The following COPS7B variants were observed in gnomAD, a reference collection of about 807,000 sequenced individuals.
COPS7B encodes COP9 signalosome complex subunit 7b.
In COPS7B, 9 loss-of-function variants were observed where a neutral mutation model predicts 33.4. That is an observed-to-expected ratio of 0.27 (90% CI 0.16 to 0.47). The LOEUF is 0.47. COPS7B is among the 20% of genes least tolerant of loss of function. The pLI is 0.99. For missense variants in COPS7B, 242 were observed against 318.2 expected, an observed-to-expected ratio of 0.76 and a Z score of 1.82; for synonymous variants, 119 against 126.3, an observed-to-expected ratio of 0.94 and a Z score of 0.39.
At chr2:231,783,554 C>T (rs774085784), upstream of COPS7B, among the ~76,000 whole-genome samples, 13 of 152,162 alleles carry the variant, frequency 8.5e-5, no homozygotes, top group Non-Finnish European at 1.9e-4. Flanking sequence ...GCTAGTTGAA[C>T]GTCCTCTTTC....
chr2:231,805,963 A>G (rs962646210), intron 6 of COPS7B, among the ~76,000 whole-genome samples: 1 of 151,948 alleles, frequency 6.6e-6, no homozygotes, highest in Non-Finnish European at 1.5e-5. Flanking sequence ...CTCTGTAATG[A>G]CTGTTCCAGC....
chr2:231,804,077 A>T (rs575808551), intron 6 of COPS7B, among the ~76,000 whole-genome samples: 2 of 152,146 alleles, frequency 1.3e-5, no homozygotes, highest in African/African-American at 4.8e-5. Context: ...TCACTTTCTG[A>T]TAGGCTGATA....
rs1326622082 is a variant in COPS7B, at chr2:231,808,831, GTGTGTGTGTGTT to G, written c.*1190_*1201del. Reference sequence around the variant, plus strand: ...TGTGTGTGTGTGTGTGTGTGTGTGTGTGTGTGTGTGTTTGTAGGTCCTGGACTGATTAAAGTT... The same window carrying G: ...TGTGTGTGTGTGTGTGTGTGTGTGTGTGTAGGTCCTGGACTGATTAAAGTT... On this transcript the variant is annotated 3_prime_UTR_variant, in exon 7 of 7. Transcript: ENST00000350033. 2.8e-5 allele frequency: 7 copies of G among 251,352 alleles called. No homozygotes were observed. Among genetic ancestry groups the G allele is most frequent in the Non-Finnish European group, 3.9e-5 (5 of 128,680 alleles). 15.6% of individuals were successfully genotyped at this position (251,352 alleles called of 1,614,324 possible). A position where few individuals can be genotyped will look rare whatever the true frequency, so the allele number is the denominator to read the frequency against.
chr2:231,781,764 C>T (rs1199206154), upstream of COPS7B: 4 of 1,439,214 alleles, frequency 2.8e-6, no homozygotes, highest in Non-Finnish European at 3.8e-6. Context: ...CTGAGTTGGT[C>T]GTTTCGGAAT....
At chr2:231,801,321 G>C in intron 6 of COPS7B, 1 of 1,503,086 alleles carries the variant, frequency 6.7e-7, no homozygotes, top group Non-Finnish European at 8.9e-7. Context: ...TTAGTTCCTA[G>C]TTCCAGCATA....
At chr2:231,783,181 C>T (rs1010281987), upstream of COPS7B, among the ~76,000 whole-genome samples, 3 of 152,132 alleles carry the variant, frequency 2.0e-5, no homozygotes, top group African/African-American at 7.2e-5. Flanking sequence ...TTTATCTTTT[C>T]CACTGTTGGC....
Position 231,796,313 on chromosome 2 carries a change from G to A in COPS7B, c.530+5G>A. 1 of 1,613,020 alleles carries A rather than the reference G, an allele frequency of 6.2e-7. No individual in the cohort carries two copies. The highest frequency in any genetic ancestry group is 8.5e-7 in the Non-Finnish European group (1 of 1,179,322). ...TGTCAAGACCCTGCATGAATGGTGAGGCTAAAAGGAGGAGGGGGATATCTA... is the reference window on the plus strand; with the variant it reads ...TGTCAAGACCCTGCATGAATGGTGAAGCTAAAAGGAGGAGGGGGATATCTA... On this transcript the variant is annotated splice_donor_5th_base_variant and intron_variant, in intron 5 of 6. Coordinates refer to ENST00000350033, the MANE Select transcript of COPS7B (RefSeq NM_022730.4).
At chr2:231,804,645 T>C (rs2106345174) in intron 6 of COPS7B, among the ~76,000 whole-genome samples, 1 of 152,276 alleles carries the variant, frequency 6.6e-6, no homozygotes, top group East Asian at 1.9e-4. Flanking sequence ...TTTTTTTTGG[T>C]TTTGTTTTTT....
In COPS7B at chr2:231,807,678, T is replaced by C; in HGVS notation, c.*33T>C. 1 of 1,529,234 alleles carries C rather than the reference T, an allele frequency of 6.5e-7. No homozygotes were observed. Among genetic ancestry groups the C allele is most frequent in the Admixed American group, 2.2e-5 (1 of 46,200 alleles). 94.7% of individuals were successfully genotyped at this position (1,529,234 alleles called of 1,614,324 possible). On this transcript the variant is annotated 3_prime_UTR_variant, in exon 7 of 7. Transcript: ENST00000350033. The stretch of plus-strand genomic sequence containing the variant: ...TGGGGCAGCTGGCACTCACCAGGCC[T>C]GGGTCAGGTGGGGAGGGGACACCAA...
At chr2:231,803,809 G>C (rs1239358660) in intron 6 of COPS7B, among the ~76,000 whole-genome samples, 1 of 152,200 alleles carries the variant, frequency 6.6e-6, no homozygotes, top group Admixed American at 6.5e-5. Flanking sequence ...TTGTGGCTCT[G>C]TGAAGGAGAA....
At chr2:231,794,046 G>T in intron 3 of COPS7B, 1 of 522,378 alleles carries the variant, frequency 1.9e-6, no homozygotes, top group South Asian at 2.6e-5. Context: ...TTGCTTTTTA[G>T]GAGACTAAAC....
In COPS7B at chr2:231,808,679, T is replaced by G. The variant is rs578094660; in HGVS notation, c.*1034T>G. ...CAGGTTATATTTTAATTTTTTTTTT[T>G]TTGTACAGGTTCTGATTCTAATACA... On this transcript the variant is annotated 3_prime_UTR_variant, in exon 7 of 7. Transcript: ENST00000350033. 105 of 322,244 alleles carry G rather than the reference T, an allele frequency of 3.3e-4. No homozygotes were observed. Among genetic ancestry groups the G allele is most frequent in the Admixed American group, 8.1e-4 (17 of 21,052 alleles). The allele number at this position is 322,244 out of a possible 1,614,324, so 20.0% of individuals were successfully genotyped here. A position where few individuals can be genotyped will look rare whatever the true frequency, so the allele number is the denominator to read the frequency against.
chr2:231,782,123 A>G (rs1042304129), upstream of COPS7B, among the ~76,000 whole-genome samples: 7 of 152,216 alleles, frequency 4.6e-5, no homozygotes, highest in African/African-American at 1.7e-4. Flanking sequence ...AGGCCCAGAG[A>G]GGCGAAGGGA....
intron 4 of COPS7B, among the ~76,000 whole-genome samples, chr2:231,794,735 T>C (rs1574663077): frequency 6.6e-6 from 1 of 152,172 alleles, no homozygotes; most frequent in Non-Finnish European, 1.5e-5. Flanking sequence ...AAAAACTTGC[T>C]ATGTCGGACT....
intron 5 of COPS7B, among the ~76,000 whole-genome samples, chr2:231,798,199 T>C (rs892520662): frequency 2.0e-5 from 3 of 152,078 alleles, no homozygotes; most frequent in Non-Finnish European, 4.4e-5. Flanking sequence ...GAACATCTTT[T>C]TTTTCTGTTG....
upstream of COPS7B, among the ~76,000 whole-genome samples, chr2:231,783,959 G>A (rs1456128569): frequency 7.9e-5 from 12 of 152,140 alleles, no homozygotes; most frequent in Admixed American, 7.9e-4. Context: ...TTTTTATTAT[G>A]GTTAGTGTTT....
chr2:231,795,506 G>T (rs1223045272), intron 4 of COPS7B, among the ~76,000 whole-genome samples: 1 of 152,170 alleles, frequency 6.6e-6, no homozygotes, highest in East Asian at 1.9e-4. Flanking sequence ...TGTACTGATT[G>T]TGGACTTCTC....
At chr2:231,800,815 C>T (rs560906717) in intron 6 of COPS7B, among the ~76,000 whole-genome samples, 25 of 152,310 alleles carry the variant, frequency 1.6e-4, no homozygotes, top group African/African-American at 5.5e-4. Flanking sequence ...AGTCCATTGA[C>T]GTAATAATCT....
chr2:231,807,128 A>G (rs1252642298), intron 6 of COPS7B, among the ~76,000 whole-genome samples: 2 of 152,232 alleles, frequency 1.3e-5, no homozygotes. Flanking sequence ...CAAAGTTTTT[A>G]TGAAAATATT....
Sources: gnomAD v4.1 joint callset for allele counts (sites outside exome capture counted in the v4.1 genomes callset) on GRCh38, gnomAD v4.1.1 for gene constraint, MANE v1.5 for transcripts, NCBI Gene and HGNC (gene_info 2026-07-23, HGNC 2026-07-21) for gene names.